The following TRIM2 variants were observed in gnomAD, a reference collection of about 807,000 sequenced individuals.
TRIM2 encodes tripartite motif-containing protein 2.
A neutral mutation model predicts 75.2 loss-of-function variants in TRIM2; 20 were observed. The observed-to-expected ratio is 0.27, with a 90% CI of 0.19 to 0.39. The LOEUF is 0.39. Among genes scored for constraint, TRIM2 ranks in the 10% least tolerant of loss-of-function variants. TRIM2 has a pLI of 1.00. For missense variants in TRIM2, 660 were observed against 990.8 expected (o/e 0.67, Z 4.48); for synonymous variants, 373 against 388.3 (o/e 0.96, Z 0.46).
At chr4:153,324,274 C>A in intron 10 of TRIM2, 126 bp downstream of exon 10, 2 of 726,850 alleles carry the variant, frequency 2.8e-6, no homozygotes, top group Non-Finnish European at 4.3e-6. Context: ...AGACTTTGTT[C>A]TGCTCAAAGA....
chr4:153,299,480 G>A, intron 6 of TRIM2, among the ~76,000 whole-genome samples: 1 of 152,130 alleles, frequency 6.6e-6, no homozygotes, highest in Non-Finnish European at 1.5e-5. Context: ...GTGCTGCAGT[G>A]AAACATGAGG....
intron 1 of TRIM2, 59 bp downstream of exon 1, chr4:153,204,619 G>A: frequency 6.5e-6 from 10 of 1,548,562 alleles, no homozygotes; most frequent in Non-Finnish European, 8.7e-6. Context: ...TTAATCCGGG[G>A]CTGGGAGAAA....
chr4:153,280,935 C>T (rs541450155), intron 3 of TRIM2, among the ~76,000 whole-genome samples: 8 of 152,034 alleles, frequency 5.3e-5, no homozygotes, highest in African/African-American at 7.2e-5. Context: ...CTGCCCGCCT[C>T]GGCCTCCCAA....
At chr4:153,209,787 C>T (rs766520168) in intron 1 of TRIM2, among the ~76,000 whole-genome samples, 17 of 152,194 alleles carry the variant, frequency 1.1e-4, no homozygotes, top group Non-Finnish European at 2.5e-4. Flanking sequence ...CAAAGCCTCA[C>T]TCTAAACCTG....
At chr4:153,307,829 G>T in intron 6 of TRIM2, 1 of 730,632 alleles carries the variant, frequency 1.4e-6, no homozygotes, top group Non-Finnish European at 2.6e-6. Flanking sequence ...ACAGGGACTT[G>T]CTATACTTTC....
chr4:153,187,848 GC>G (rs1404180584), intron 1 of TRIM2, among the ~76,000 whole-genome samples: 1 of 152,182 alleles, frequency 6.6e-6, no homozygotes, highest in Admixed American at 6.5e-5. Context: ...CCCCACACAA[GC>G]TTTCCTGGAG....
intron 1 of TRIM2, among the ~76,000 whole-genome samples, chr4:153,222,056 G>GAAAA (rs1486213739): frequency 1.6e-5 from 2 of 121,850 alleles, no homozygotes; most frequent in Non-Finnish European, 3.6e-5. Flanking sequence ...AAGGGAGGGA[G>GAAAA]GAAGGAAGGA....
Position 153,191,942 on chromosome 4 carries a change from C to T in TRIM2, c.-49+38672C>T, listed in dbSNP as rs1323665993. The stretch of plus-strand genomic sequence containing the variant: ...ATAGAAGCTTCCCTTCATCAAACCA[C>T]GTAGTTGCATCCTCAGTTCCTAGCA... On this transcript the variant is annotated intron_variant, in intron 1 of 11. Coordinates refer to the TRIM2 transcript ENST00000437508. 3.3e-5 allele frequency among the ~76,000 whole-genome samples: 5 copies of T among 152,292 alleles called. No homozygotes were observed. In the East Asian group the frequency reaches 7.7e-4, roughly 23 times the overall value.
intron 1 of TRIM2, among the ~76,000 whole-genome samples, chr4:153,228,029 A>C (rs189006217): frequency 6.6e-6 from 1 of 152,330 alleles, no homozygotes; most frequent in East Asian, 1.9e-4. Flanking sequence ...AGAGATTATA[A>C]AAGTGAACCT....
Position 153,312,135 on chromosome 4 carries a change from A to G in TRIM2, c.1511-3350A>G, listed in dbSNP as rs1356361547. Reference sequence around the variant, plus strand: ...TGTGTCCATGTGTTCTCATTGTTCAATTCCCACCTGTGAGTGAGAATATGT... The same window carrying G: ...TGTGTCCATGTGTTCTCATTGTTCAGTTCCCACCTGTGAGTGAGAATATGT... On this transcript the variant is annotated intron_variant, in intron 6 of 11. Coordinates refer to ENST00000338700, the MANE Select transcript of TRIM2 (RefSeq NM_015271.5). 3.0e-4 allele frequency among the ~76,000 whole-genome samples: 43 copies of G among 142,098 alleles called. 1 individual carries two copies. The highest frequency in any genetic ancestry group is 8.8e-4 in the African/African-American group (34 of 38,458). The allele number at this position is 142,098 out of a possible 152,430, so 93.2% of individuals were successfully genotyped here.
rs1263994430 is a variant in TRIM2, at chr4:153,336,148, A to G, written c.*1182A>G. 2.0e-6 allele frequency: 2 copies of G among 985,116 alleles called. No homozygotes were observed. Among genetic ancestry groups the G allele is most frequent in the Non-Finnish European group, 2.4e-6 (2 of 829,458 alleles). 61.0% of individuals were successfully genotyped at this position (985,116 alleles called of 1,614,324 possible). On this transcript the variant is annotated 3_prime_UTR_variant, in exon 12 of 12. Transcript: ENST00000338700. ...TATATATATATACACACACACATAT[A>G]TATAGCTGAATCTTTGGTGTATTGA...
At chr4:153,260,052 G>A (rs956083990) in intron 1 of TRIM2, among the ~76,000 whole-genome samples, 1 of 152,134 alleles carries the variant, frequency 6.6e-6, no homozygotes, top group Non-Finnish European at 1.5e-5. Context: ...ATTAAATAAT[G>A]TGCTTCGTAT....
rs1308149109 is a variant in TRIM2, at chr4:153,324,201, T to C, written c.2022+53T>C. 7 of 1,516,838 alleles carry C rather than the reference T, an allele frequency of 4.6e-6. No individual in the cohort carries two copies. In the African/African-American group the frequency reaches 6.9e-5, roughly 15 times the overall value. 94.0% of individuals were successfully genotyped at this position (1,516,838 alleles called of 1,614,324 possible). ...ACTTTTAACTGCTTTTATGGAGAAATTGGTCTGCGAGAAAATAATGCAATA... is the reference window on the plus strand; with the variant it reads ...ACTTTTAACTGCTTTTATGGAGAAACTGGTCTGCGAGAAAATAATGCAATA... On this transcript the variant is annotated intron_variant, in intron 10 of 11. Coordinates refer to ENST00000338700, the MANE Select transcript of TRIM2 (RefSeq NM_015271.5).
intron 2 of TRIM2, among the ~76,000 whole-genome samples, chr4:153,273,183 C>CT (rs987433847): frequency 4.0e-5 from 6 of 151,664 alleles, no homozygotes; most frequent in Non-Finnish European, 8.8e-5. Context: ...GCTTGTCTCA[C>CT]TGTCAGGAGA....
At chr4:153,254,506 C>T (rs1352136726) in intron 1 of TRIM2, among the ~76,000 whole-genome samples, 1 of 152,186 alleles carries the variant, frequency 6.6e-6, no homozygotes, top group Non-Finnish European at 1.5e-5. Flanking sequence ...GCCCTTGAGA[C>T]CCCCGAGTCC....
chr4:153,311,378 A>G (rs995011049), intron 6 of TRIM2, among the ~76,000 whole-genome samples: 2 of 150,960 alleles, frequency 1.3e-5, no homozygotes, highest in Admixed American at 1.3e-4. Flanking sequence ...ATAAGCTGCT[A>G]CTGTCTGCAT....
At chr4:153,267,523 G>T (rs1289610314) in intron 1 of TRIM2, among the ~76,000 whole-genome samples, 1 of 152,228 alleles carries the variant, frequency 6.6e-6, no homozygotes, top group South Asian at 2.1e-4. Flanking sequence ...GTGGTGGCGG[G>T]CCCCTGTAGT....
intron 1 of TRIM2, among the ~76,000 whole-genome samples, chr4:153,165,587 C>A (rs1486948163): frequency 1.3e-5 from 2 of 152,148 alleles, no homozygotes; most frequent in Non-Finnish European, 2.9e-5. Flanking sequence ...CCCATCTAAG[C>A]CTCCCAAAGT....
At chr4:153,294,064 A>G (rs1462145572) in intron 4 of TRIM2, among the ~76,000 whole-genome samples, 1 of 152,188 alleles carries the variant, frequency 6.6e-6, no homozygotes, top group Non-Finnish European at 1.5e-5. Flanking sequence ...CACTTAATTA[A>G]TTATTAAAAT....
Sources: gnomAD v4.1 joint callset for allele counts (sites outside exome capture counted in the v4.1 genomes callset) on GRCh38, gnomAD v4.1.1 for gene constraint, MANE v1.5 for transcripts, NCBI Gene and HGNC (gene_info 2026-07-23, HGNC 2026-07-21) for gene names.